RBM27: variants seen among roughly 807,000 people sequenced by gnomAD.
RBM27 encodes RNA binding motif protein 27.
In RBM27, 22 loss-of-function variants were observed where a neutral mutation model predicts 135.3. That is an observed-to-expected ratio of 0.16 (90% CI 0.12 to 0.23). RBM27 has a LOEUF of 0.23. Ranked by LOEUF, RBM27 falls within the 10% of genes least tolerant of loss-of-function variation. The probability of loss-of-function intolerance (pLI) is 1.00; values close to 1 mark genes in which losing one functional copy is unlikely to be tolerated. For synonymous variants in RBM27, 481 were observed against 442.4 expected (o/e 1.09, Z -1.10); for missense variants, 1,009 against 1,281.0 (o/e 0.79, Z 3.24).
chr5:146,258,565 C>G lies in RBM27; in HGVS notation c.1711C>G (p.Pro571Ala). 6.4e-7 allele frequency: 1 copy of G among 1,574,728 alleles called. No individual in the cohort carries two copies. The highest frequency in any genetic ancestry group is 8.6e-7 in the Non-Finnish European group (1 of 1,160,864). Residue 571 changes from proline (P) to alanine (A), a missense_variant, in exon 11 of 21, where the codon CCA becomes GCA. Pro to Ala is a conservative substitution (Grantham distance 27). Transcript: ENST00000265271. ...AAGAGCTATGAGTGGTTTGGAAGGG[C>G]CACTCACAAAGAAACCTTGGCTGGG... ...RKRAMSGLEG[P>A]LTKKPWLGKQ... is the part of the protein sequence containing the mutation.
intron 7 of RBM27, among the ~76,000 whole-genome samples, chr5:146,236,478 G>A (rs1215941287): frequency 3.3e-5 from 5 of 152,092 alleles, no homozygotes; most frequent in African/African-American, 1.2e-4. Context: ...CCTTAGATTA[G>A]TTTTGCCTCT....
chr5:146,218,153 G>GTATA (rs35966085), intron 1 of RBM27, among the ~76,000 whole-genome samples: 4 of 151,848 alleles, frequency 2.6e-5, no homozygotes, highest in Admixed American at 6.6e-5. Flanking sequence ...ATATGTGTGT[G>GTATA]TATATATATA....
intron 8 of RBM27, among the ~76,000 whole-genome samples, chr5:146,248,435 C>T (rs1221277968): frequency 6.6e-6 from 1 of 151,972 alleles, no homozygotes; most frequent in Non-Finnish European, 1.5e-5. Flanking sequence ...GAAAGTCAGG[C>T]TACATTTGGA....
intron 15 of RBM27, 74 bp from the exon 16 acceptor site, chr5:146,269,133 A>T (rs1456960958): frequency 2.0e-6 from 2 of 1,015,962 alleles, no homozygotes; most frequent in Non-Finnish European, 3.0e-6. Flanking sequence ...TGTCTCAGGG[A>T]TGACCCAGAA....
At chr5:146,227,925 C>T (rs940525951) in intron 3 of RBM27, among the ~76,000 whole-genome samples, 11 of 152,114 alleles carry the variant, frequency 7.2e-5, no homozygotes, top group Non-Finnish European at 1.0e-4. Flanking sequence ...TTTCCTAAAA[C>T]GTTTCCTATG....
chr5:146,211,885 TAGAGA>T (rs112348623), intron 1 of RBM27, among the ~76,000 whole-genome samples: 6 of 152,314 alleles, frequency 3.9e-5, no homozygotes, highest in East Asian at 1.9e-4. Context: ...GTATAGAAAG[TAGAGA>T]AAAGAAAATT....
intron 1 of RBM27, among the ~76,000 whole-genome samples, chr5:146,211,764 G>A (rs895309650): frequency 2.0e-5 from 3 of 151,984 alleles, no homozygotes; most frequent in African/African-American, 7.2e-5. Context: ...GCCTGGCCCA[G>A]TATGGTCTTA....
At position 146,212,141 on chromosome 5, in the gene RBM27, C is replaced by T. The variant is rs573398081; in HGVS notation, c.60-6844C>T. 1.0e-4 allele frequency among the ~76,000 whole-genome samples: 15 copies of T among 144,528 alleles called. No individual in the cohort carries two copies. In the South Asian group the frequency reaches 1.6e-3, roughly 15 times the overall value. The allele number at this position is 144,528 out of a possible 152,430, so 94.8% of individuals were successfully genotyped here. ...CGCAATCTCGACTCACTGCAGCCTC[C>T]GCCTCCCGGGTTCAAGTGATTCTCC... On this transcript the variant is annotated intron_variant, in intron 1 of 20. Transcript: ENST00000265271.
chr5:146,203,741 C>T lies in RBM27; in HGVS notation c.-25C>T. 1 of 1,548,284 alleles carries T rather than the reference C, an allele frequency of 6.5e-7. No homozygotes were observed. The highest frequency in any genetic ancestry group is 1.4e-5 in the African/African-American group (1 of 72,950). ...CCACGGCAGGCCTGAAGAAGAGCGGCGGCCGAGCCCGCCTTCCCTGCACCA... is the reference window on the plus strand; with the variant it reads ...CCACGGCAGGCCTGAAGAAGAGCGGTGGCCGAGCCCGCCTTCCCTGCACCA... On this transcript the variant is annotated 5_prime_UTR_variant, in exon 1 of 21. Coordinates refer to ENST00000265271, the MANE Select transcript of RBM27 (RefSeq NM_018989.2).
At chr5:146,212,074 G>A (rs1755983327) in intron 1 of RBM27, among the ~76,000 whole-genome samples, 1 of 151,824 alleles carries the variant, frequency 6.6e-6, no homozygotes, top group East Asian at 1.9e-4. Context: ...CGCCACCCCC[G>A]AGATGGAGTC....
At chr5:146,258,319 C>A in intron 10 of RBM27, 130 bp from the exon 11 acceptor site, 1 of 627,578 alleles carries the variant, frequency 1.6e-6, no homozygotes, top group Non-Finnish European at 2.4e-6. Flanking sequence ...ACTTTTTCTT[C>A]TGTTAGGCAT....
chr5:146,253,664 A>AT (rs1488604041), intron 9 of RBM27, among the ~76,000 whole-genome samples: 1 of 152,148 alleles, frequency 6.6e-6, no homozygotes, highest in Non-Finnish European at 1.5e-5. Context: ...ATGGCATTTT[A>AT]TTATTATTGC....
chr5:146,212,206 C>T (rs890889337), intron 1 of RBM27, among the ~76,000 whole-genome samples: 3 of 152,128 alleles, frequency 2.0e-5, no homozygotes, highest in Non-Finnish European at 2.9e-5. Flanking sequence ...CAGGCACGCG[C>T]CACCACGCCT....
chr5:146,279,284 C>G (rs1759227110), intron 19 of RBM27, among the ~76,000 whole-genome samples: 1 of 150,880 alleles, frequency 6.6e-6, no homozygotes, highest in Non-Finnish European at 1.5e-5. Flanking sequence ...CCCATCTCTA[C>G]TAAGAATACA....
rs368355165 is a variant in RBM27, at chr5:146,263,475, C to T, written c.2191-16C>T. 2 of 1,606,336 alleles carry T rather than the reference C, an allele frequency of 1.2e-6. No homozygotes were observed. Among genetic ancestry groups the T allele is most frequent in the Non-Finnish European group, 1.7e-6 (2 of 1,175,362 alleles). ...TTTAAACTTCTGCCACATAAGTGTT[C>T]ATTTTGTATGTGCAGATGATGAGCA... On this transcript the variant is annotated splice_polypyrimidine_tract_variant and intron_variant, in intron 13 of 20. Transcript: ENST00000265271.
At chr5:146,259,388 C>A (rs1758264633) in intron 11 of RBM27, among the ~76,000 whole-genome samples, 1 of 151,220 alleles carries the variant, frequency 6.6e-6, no homozygotes, top group Non-Finnish European at 1.5e-5. Flanking sequence ...CCTGTAATCC[C>A]AGCAACTTGG....
chr5:146,247,219 A>C (rs990961547), intron 8 of RBM27, among the ~76,000 whole-genome samples: 3 of 152,034 alleles, frequency 2.0e-5, no homozygotes, highest in African/African-American at 7.2e-5. Flanking sequence ...GCTTAATGAC[A>C]TGATTGTTTT....
chr5:146,222,544 C>T (rs989390512), intron 2 of RBM27, among the ~76,000 whole-genome samples: 6 of 151,860 alleles, frequency 4.0e-5, no homozygotes, highest in Admixed American at 1.3e-4. Context: ...ATTAGCTGGG[C>T]GTGGTGGCAC....
At chr5:146,249,758 ATAAT>A (rs1757803028) in intron 8 of RBM27, among the ~76,000 whole-genome samples, 1 of 151,886 alleles carries the variant, frequency 6.6e-6, no homozygotes, top group Non-Finnish European at 1.5e-5. Flanking sequence ...TTGCAGTGTA[ATAAT>A]TAGCTGATTC....
Sources: allele counts gnomAD v4.1 joint callset (sites outside exome capture counted in the v4.1 genomes callset), GRCh38; gene constraint gnomAD v4.1.1; transcripts MANE v1.5; gene names NCBI Gene and HGNC (gene_info 2026-07-23, HGNC 2026-07-21).